Variants in MPIG6B observed in about 807,000 individuals in gnomAD.
MPIG6B encodes the protein megakaryocyte and platelet inhibitory receptor G6b.
In MPIG6B, 22 loss-of-function variants were observed where a neutral mutation model predicts 24.2. The observed-to-expected ratio is 0.91, with a 90% CI of 0.65 to 1.30. The LOEUF is 1.30. Ranked by LOEUF, MPIG6B falls within the 50% of genes most tolerant of loss-of-function variation. The pLI is 0.00. For missense variants in MPIG6B, 301 were observed against 318.5 expected (o/e 0.94, Z 0.42); for synonymous variants, 136 against 142.0 (o/e 0.96, Z 0.30).
chr6:31,721,180 T>G, upstream of MPIG6B: 1 of 168,090 alleles, frequency 5.9e-6, no homozygotes. Context: ...ATGGAGTAGA[T>G]GGGGAGGGTA....
chr6:31,724,260 A>G (rs2151299861), intron 3 of MPIG6B, 28 bp downstream of exon 3: 1 of 1,564,332 alleles, frequency 6.4e-7, no homozygotes, highest in African/African-American at 1.4e-5. Flanking sequence ...GGCCTCGTTA[A>G]ATGGGGAGTG....
At position 31,724,636 on chromosome 6, in the gene MPIG6B, A is replaced by G; in HGVS notation, c.541+9A>G. ...ACCACTCCCTAGATTTGGTGAGACT[A>G]ATTCCACCCCATTTTCTTTCTCCTA... is the stretch of plus-strand genomic sequence containing the variant. On this transcript the variant is annotated intron_variant, in intron 4 of 5. Coordinates refer to ENST00000649779, the MANE Select transcript of MPIG6B (RefSeq NM_138272.3). 1 of 1,613,112 alleles carries G rather than the reference A, an allele frequency of 6.2e-7. No individual in the cohort carries two copies. Among genetic ancestry groups the G allele is most frequent in the Non-Finnish European group, 8.5e-7 (1 of 1,179,118 alleles).
At chr6:31,721,830 C>A, upstream of MPIG6B, 1 of 738,272 alleles carries the variant, frequency 1.4e-6, no homozygotes, top group South Asian at 1.8e-5. Flanking sequence ...TTCTCACTTA[C>A]TACGCAGCTG....
At chr6:31,723,299 C>T, upstream of MPIG6B, 1 of 1,149,088 alleles carries the variant, frequency 8.7e-7, no homozygotes, top group Non-Finnish European at 1.3e-6. This position sits in a 1 kb window ranked among gnomAD's most constrained non-coding sequence, Gnocchi z 4.3. Flanking sequence ...CTCCGTTCTC[C>T]CCACGCCTAA....
chr6:31,720,317 C>A, upstream of MPIG6B: 1 of 692,080 alleles, frequency 1.4e-6, no homozygotes, highest in Non-Finnish European at 2.6e-6. The surrounding 1 kb of genome is among the most constrained non-coding windows in gnomAD (Gnocchi z 4.9). Context: ...GGTGCTCCAA[C>A]CTGTTTGGCT....
chr6:31,723,582 T>C lies in MPIG6B; in HGVS notation c.62-57T>C, dbSNP rs967876125. ...CAGAGAAGAGAAAGAGGAGACGGGA[T>C]GGAGGGTCGTCTTGCCCTGTGGACG... On this transcript the variant is annotated intron_variant, in intron 1 of 5. Transcript: ENST00000649779. This position sits in a 1 kb window ranked among gnomAD's most constrained non-coding sequence, Gnocchi z 4.3. The C allele has an allele frequency of 1.7e-4, 248 of 1,446,648 alleles. 1 individual carries two copies. Among genetic ancestry groups the C allele is most frequent in the Non-Finnish European group, 2.1e-4 (224 of 1,061,706 alleles). The allele number at this position is 1,446,648 out of a possible 1,614,324, so 89.6% of individuals were successfully genotyped here. A position where few individuals can be genotyped will look rare whatever the true frequency, so the allele number is the denominator to read the frequency against.
chr6:31,724,396 A>T (rs947685569), intron 3 of MPIG6B, 164 bp downstream of exon 3: 3 of 746,708 alleles, frequency 4.0e-6, no homozygotes, highest in Non-Finnish European at 2.3e-6. Flanking sequence ...ACTGGTGAGT[A>T]GAGCCCCACC....
upstream of MPIG6B, chr6:31,723,105 C>T (rs1806928407): frequency 2.1e-5 from 11 of 529,118 alleles, 1 homozygote; most frequent in South Asian, 2.2e-4. This position sits in a 1 kb window ranked among gnomAD's most constrained non-coding sequence, Gnocchi z 4.3. Flanking sequence ...TCCTCAGCCT[C>T]CTAAGTAGCT....
chr6:31,724,089 C>T, intron 2 of MPIG6B, 53 bp from the exon 3 acceptor site: 1 of 1,582,438 alleles, frequency 6.3e-7, no homozygotes, highest in Non-Finnish European at 8.7e-7. Flanking sequence ...TGCTGGCTGT[C>T]CCTCGTCAAA....
chr6:31,723,117 G>T (rs187059667), upstream of MPIG6B: 13 of 549,308 alleles, frequency 2.4e-5, no homozygotes, highest in African/African-American at 2.3e-4. This position sits in a 1 kb window ranked among gnomAD's most constrained non-coding sequence, Gnocchi z 4.3. Flanking sequence ...TAAGTAGCTG[G>T]GATTACAGGC....
Position 31,724,049 on chromosome 6 carries a change from G to A in MPIG6B, c.409+63G>A, listed in dbSNP as rs576980709. Reference sequence around the variant, plus strand: ...CGACACATACCCGGAGGAGGGAAGAGGGCCTTGGCTGGGGGTTCTTGAGCG... The same window carrying A: ...CGACACATACCCGGAGGAGGGAAGAAGGCCTTGGCTGGGGGTTCTTGAGCG... On this transcript the variant is annotated intron_variant, in intron 2 of 5. Transcript: ENST00000649779. 1.1e-5 allele frequency: 17 copies of A among 1,571,686 alleles called. 1 individual carries two copies. The Admixed American group carries it at 1.9e-4, about 17-fold the overall frequency.
chr6:31,725,020 G>A lies in MPIG6B; in HGVS notation c.672G>A (p.Arg224=). The A allele has an allele frequency of 6.2e-7, 1 of 1,613,876 alleles. No individual in the cohort carries two copies. The highest frequency in any genetic ancestry group is 8.5e-7 in the Non-Finnish European group (1 of 1,180,008). ...LDHLALSRPR[R]LSTADPADAS... ...ATCTAGCCCTCAGCAGGCCCCGCCG[G>A]CTGTCCACAGCGGACCCTGCTGATG... The change falls in exon 6 of 6, where the codon CGG becomes CGA. Residue 224 remains arginine (R), a synonymous_variant. Coordinates refer to ENST00000649779, the MANE Select transcript of MPIG6B (RefSeq NM_138272.3). The surrounding 1 kb of genome is among the most constrained non-coding windows in gnomAD (Gnocchi z 5.2).
chr6:31,720,789 A>G (rs981628521), upstream of MPIG6B, among the ~76,000 whole-genome samples: 1 of 152,198 alleles, frequency 6.6e-6, no homozygotes, highest in Non-Finnish European at 1.5e-5. The surrounding 1 kb of genome is among the most constrained non-coding windows in gnomAD (Gnocchi z 4.9). Flanking sequence ...AAGGAATGAT[A>G]CCTGAGAGAC....
At chr6:31,722,375 T>A (rs1456934951), upstream of MPIG6B, among the ~76,000 whole-genome samples, 1 of 152,144 alleles carries the variant, frequency 6.6e-6, no homozygotes, top group African/African-American at 2.4e-5. Context: ...TCTCAGGATG[T>A]CACCCGTGCT....
upstream of MPIG6B, chr6:31,721,546 G>T: frequency 7.5e-7 from 1 of 1,330,192 alleles, no homozygotes; most frequent in Non-Finnish European, 1.1e-6. Flanking sequence ...CCCGAGTGGT[G>T]GGTAGGGCCG....
chr6:31,722,842 A>G (rs1806899723), upstream of MPIG6B, among the ~76,000 whole-genome samples: 1 of 114,810 alleles, frequency 8.7e-6, no homozygotes, highest in African/African-American at 4.1e-5. Context: ...CAAGACTCTG[A>G]CTCAAAAAAA....
rs1222801497 is a variant in MPIG6B at position 31,723,615 on chromosome 6, A to C, written c.62-24A>C. 32 of 1,533,774 alleles carry C rather than the reference A, an allele frequency of 2.1e-5. No individual in the cohort carries two copies. The highest frequency in any genetic ancestry group is 2.7e-5 in the Non-Finnish European group (31 of 1,139,606). On this transcript the variant is annotated intron_variant, in intron 1 of 5. Coordinates refer to ENST00000649779, the MANE Select transcript of MPIG6B (RefSeq NM_138272.3). This position sits in a 1 kb window ranked among gnomAD's most constrained non-coding sequence, Gnocchi z 4.3. ...CGTCTTGCCCTGTGGACGTGCCCTA[A>C]CCACAGCCTCCGGCCTCTCCTAGCT... is the stretch of plus-strand genomic sequence containing the variant.
Position 31,726,232 on chromosome 6 carries a change from TG to T in MPIG6B, c.*1159del, listed in dbSNP as rs1807354005. On this transcript the variant is annotated 3_prime_UTR_variant, in exon 6 of 6. Transcript: ENST00000649779. This position sits in a 1 kb window ranked among gnomAD's most constrained non-coding sequence, Gnocchi z 5.1. ...CTCCTGACAGCCCTTATTACAGAAC[TG>T]AAGTACTCTCCTTAGCTTCAGCTCT... 1 of 152,320 alleles carries T rather than the reference TG, an allele frequency of 6.6e-6. No individual in the cohort carries two copies. The highest frequency in any genetic ancestry group is 2.4e-5 in the African/African-American group (1 of 41,452). 9.4% of individuals were successfully genotyped at this position (152,320 alleles called of 1,614,324 possible).
At chr6:31,724,104 T>C in intron 2 of MPIG6B, 38 bp from the exon 3 acceptor site, 2 of 1,592,892 alleles carry the variant, frequency 1.3e-6, no homozygotes, top group Non-Finnish European at 1.7e-6. Flanking sequence ...GTCAAACCCC[T>C]GACCTCAGCA....
Sources: allele counts gnomAD v4.1 joint callset (sites outside exome capture counted in the v4.1 genomes callset), GRCh38; gene constraint gnomAD v4.1.1; non-coding constraint Gnocchi (gnomAD v3.1); transcripts MANE v1.5; gene names NCBI Gene and HGNC (gene_info 2026-07-23, HGNC 2026-07-21).